Variants in SYNM observed in about 807,000 individuals in gnomAD.
SYNM encodes synemin, also known as desmuslin.
SYNM carries 95 observed loss-of-function variants against 104.0 expected under a neutral mutation model. The ratio of observed to expected loss-of-function variants is 0.91; its 90% CI spans 0.77 to 1.08. The LOEUF is 1.08. SYNM is among the 50% of genes least tolerant of loss of function. The pLI is 0.00. For synonymous variants in SYNM, 918 were observed against 869.0 expected, an observed-to-expected ratio of 1.06 and a Z score of -0.99; for missense variants, 2,150 against 2,052.2, an observed-to-expected ratio of 1.05 and a Z score of -0.92.
chr15:99,126,873 C>G (rs2067453116), intron 3 of SYNM, 81 bp downstream of exon 3: 9 of 1,237,440 alleles, frequency 7.3e-6, no homozygotes, highest in Non-Finnish European at 1.0e-5. Flanking sequence ...GCACCATCAT[C>G]GGGAAGAACG....
downstream of SYNM, chr15:99,137,812 A>G (rs949174590): frequency 1.2e-6 from 1 of 803,856 alleles, no homozygotes; most frequent in Admixed American, 3.0e-5. Flanking sequence ...TATAGCATAT[A>G]TCACCCTGAA....
chr15:99,115,390 G>A (rs2067337968), intron 2 of SYNM, among the ~76,000 whole-genome samples: 1 of 148,776 alleles, frequency 6.7e-6, no homozygotes, highest in Non-Finnish European at 1.5e-5. Flanking sequence ...GGCTGCCTGT[G>A]TAATCTTCTG....
chr15:99,105,378 G>A lies in SYNM; in HGVS notation c.179G>A (p.Cys60Tyr), dbSNP rs1026760724. 1 of 1,520,322 alleles carries A rather than the reference G, an allele frequency of 6.6e-7. No homozygotes were observed. Among genetic ancestry groups the A allele is most frequent in the South Asian group, 1.2e-5 (1 of 82,370 alleles). 94.2% of individuals were successfully genotyped at this position (1,520,322 alleles called of 1,614,324 possible). A position where few individuals can be genotyped will look rare whatever the true frequency, so the allele number is the denominator to read the frequency against. ...CTGTGGGCCGAGGGGCAGGCCCGCT[G>A]CGCCGAGGAGGCGCGCAGCTTGCGG... ...EGLWAEGQARCAEEARSLRQQ... is the reference protein window; with the variant it reads ...EGLWAEGQARYAEEARSLRQQ... Residue 60 changes from cysteine to tyrosine, a missense_variant, in exon 1 of 4, where the codon TGC becomes TAC. Coordinates refer to ENST00000336292, the MANE Select transcript of SYNM (RefSeq NM_145728.3).
chr15:99,125,727 T>C (rs1427009129), intron 2 of SYNM, among the ~76,000 whole-genome samples: 1 of 152,252 alleles, frequency 6.6e-6, no homozygotes, highest in Admixed American at 6.5e-5. Flanking sequence ...GGGCTCTTGT[T>C]CTGGATGCCT....
At position 99,133,554 on chromosome 15, in the gene SYNM, T is replaced by C. The variant is rs372221085; in HGVS notation, c.*496T>C. 111 of 159,058 alleles carry C rather than the reference T, an allele frequency of 7.0e-4. No individual in the cohort carries two copies. The highest frequency in any genetic ancestry group is 2.6e-3 in the African/African-American group (109 of 41,604). The allele number at this position is 159,058 out of a possible 1,614,324, so 9.9% of individuals were successfully genotyped here. A position where few individuals can be genotyped will look rare whatever the true frequency, so the allele number is the denominator to read the frequency against. ...AAAAAGAAATGGGAAATAGGCAGACTGTTTATGTTAAAAAAATTCTTGCTA... is the reference window on the plus strand; with the variant it reads ...AAAAAGAAATGGGAAATAGGCAGACCGTTTATGTTAAAAAAATTCTTGCTA... On this transcript the variant is annotated 3_prime_UTR_variant, in exon 4 of 4. Transcript: ENST00000336292.
In SYNM at chr15:99,131,495, A is replaced by G; in HGVS notation, c.3135A>G (p.Pro1045=). Residue 1045 remains proline (P), a synonymous_variant, in exon 4 of 4, where the codon CCA becomes CCG. Transcript: ENST00000336292. This position sits in a 1 kb window ranked among gnomAD's most constrained non-coding sequence, Gnocchi z 4.3. Reference sequence around the variant, plus strand: ...AGAGCCTGAGCAGGCAACGCAGCCCAGCGCCTGGCAGCCCAGATGAGGAAG... The same window carrying G: ...AGAGCCTGAGCAGGCAACGCAGCCCGGCGCCTGGCAGCCCAGATGAGGAAG... The part of the protein sequence containing the change: ...VRESLSRQRS[P]APGSPDEEGG... 1 of 1,606,410 alleles carries G rather than the reference A, an allele frequency of 6.2e-7. No individual in the cohort carries two copies. The highest frequency in any genetic ancestry group is 8.5e-7 in the Non-Finnish European group (1 of 1,179,492).
chr15:99,105,265 C>T lies in SYNM; in HGVS notation c.66C>T (p.Leu22=), dbSNP rs1555482333. ...KAELQELNAR[L]YDYVCRVREL... ...AGCTCCAGGAGCTCAACGCCCGGCT[C>T]TATGACTACGTGTGTCGGGTGCGGG... The change falls in exon 1 of 4, where the codon CTC becomes CTT. Residue 22 remains leucine, a synonymous_variant. Coordinates refer to ENST00000336292, the MANE Select transcript of SYNM (RefSeq NM_145728.3). 4 of 1,564,130 alleles carry T rather than the reference C, an allele frequency of 2.6e-6. No homozygotes were observed. Among genetic ancestry groups the T allele is most frequent in the African/African-American group, 1.4e-5 (1 of 73,878 alleles).
intron 2 of SYNM, among the ~76,000 whole-genome samples, chr15:99,115,508 A>G (rs1279491117): frequency 7.9e-6 from 1 of 126,070 alleles, no homozygotes; most frequent in Non-Finnish European, 1.6e-5. Flanking sequence ...TCCATCTCCT[A>G]GGCTGGCATG....
At position 99,113,655 on chromosome 15, in the gene SYNM, G is replaced by A. The variant is rs147849824; in HGVS notation, c.875G>A (p.Arg292Gln). The A allele has an allele frequency of 1.5e-4, 236 of 1,613,434 alleles. No homozygotes were observed. In the African/African-American group the frequency reaches 2.4e-3, roughly 16 times the overall value. Residue 292 changes from arginine to glutamine, a missense_variant, in exon 2 of 4, where the codon CGG becomes CAG. By Grantham distance (43) the Arg-to-Gln change is conservative (BLOSUM62 1). Coordinates refer to ENST00000336292, the MANE Select transcript of SYNM (RefSeq NM_145728.3). The stretch of plus-strand genomic sequence containing the variant: ...ACCTTGGCCATGGCTGACTGGCTGC[G>A]GGACTATCAGGACCTCCTGCAGGTG... ...TLTLAMADWL[R>Q]DYQDLLQVKT...
At chr15:99,111,708 T>C (rs1001260018) in intron 1 of SYNM, among the ~76,000 whole-genome samples, 2 of 152,160 alleles carry the variant, frequency 1.3e-5, no homozygotes, top group African/African-American at 4.8e-5. Context: ...AGAACTGTTA[T>C]GAGAAGTGGG....
At chr15:99,108,826 C>T (rs1022014292) in intron 1 of SYNM, among the ~76,000 whole-genome samples, 1 of 152,212 alleles carries the variant, frequency 6.6e-6, no homozygotes. Context: ...AGAGAGAAAC[C>T]TTTAACCAGT....
chr15:99,140,924 C>T, the SYNM span: 1 of 152,106 alleles, frequency 6.6e-6, no homozygotes, highest in South Asian at 2.1e-4. Context: ...ACCAAAACCT[C>T]TCAATAGAAT....
Position 99,130,795 on chromosome 15 carries a change from C to G in SYNM, c.2435C>G (p.Thr812Arg), listed in dbSNP as rs940468309. The change falls in exon 4 of 4, where the codon ACG (threonine) becomes AGG (arginine). Residue 812 changes from threonine (T) to arginine (R), a missense_variant. Coordinates refer to ENST00000336292, the MANE Select transcript of SYNM (RefSeq NM_145728.3). ...HRRTKQPQEN[T>R]THVEEVTEAG... The stretch of plus-strand genomic sequence containing the variant: ...AGGACCAAGCAGCCTCAGGAGAACA[C>G]GACTCACGTGGAAGAAGTGACAGAG... 204 of 1,613,814 alleles carry G rather than the reference C, an allele frequency of 1.3e-4. No individual in the cohort carries two copies. The highest frequency in any genetic ancestry group is 1.7e-4 in the Non-Finnish European group (197 of 1,179,888).
chr15:99,126,207 G>A (rs1567281020), intron 2 of SYNM, among the ~76,000 whole-genome samples: 2 of 152,144 alleles, frequency 1.3e-5, no homozygotes, highest in Admixed American at 1.3e-4. Context: ...TGAAACCACA[G>A]ATGCAGTCTG....
At position 99,132,757 on chromosome 15, in the gene SYNM, T is replaced by C. The variant is rs782049791; in HGVS notation, c.4397T>C (p.Val1466Ala). The C allele has an allele frequency of 1.9e-6, 3 of 1,613,584 alleles. No individual in the cohort carries two copies. In the East Asian group the frequency reaches 6.7e-5, roughly 36 times the overall value. The change falls in exon 4 of 4, where the codon GTG (valine) becomes GCG (alanine). Residue 1466 changes from valine to alanine, a missense_variant. Transcript: ENST00000336292. ...ACTTCGTTTACCTTTCAGATGGATGTGAGTAACGTAGAGGCGATCCGCAGC... is the reference window on the plus strand; with the variant it reads ...ACTTCGTTTACCTTTCAGATGGATGCGAGTAACGTAGAGGCGATCCGCAGC... ...KETSFTFQMDVSNVEAIRSRT... is the reference protein window; with the variant it reads ...KETSFTFQMDASNVEAIRSRT...
At chr15:99,116,404 A>ATGGCGGGATGGTCTCTCTCTTCTGG (rs1555483949) in intron 2 of SYNM, among the ~76,000 whole-genome samples, 8 of 146,278 alleles carry the variant, frequency 5.5e-5, no homozygotes, top group Admixed American at 6.9e-5. Flanking sequence ...AGACTGCCCC[A>ATGGCGGGATGGTCTCTCTCTTCTGG]AGTCAGAAAA....
intron 2 of SYNM, among the ~76,000 whole-genome samples, chr15:99,117,580 T>C (rs2067361214): frequency 6.6e-6 from 1 of 152,238 alleles, no homozygotes; most frequent in Non-Finnish European, 1.5e-5. Context: ...ATTTTCTTTC[T>C]GTAATAGTTC....
At position 99,129,518 on chromosome 15, in the gene SYNM, G is replaced by A. The variant is rs372221449; in HGVS notation, c.1158G>A (p.Thr386=). ...TGTCAGGGCACCGTGGATCTCAGAC[G>A]GGCACATCTATTGGAGGTGATGCCA... is the stretch of plus-strand genomic sequence containing the variant. ...SNLSGHRGSQ[T]GTSIGGDARR... Residue 386 remains threonine, a synonymous_variant, in exon 4 of 4, where the codon ACG becomes ACA. Coordinates refer to ENST00000336292, the MANE Select transcript of SYNM (RefSeq NM_145728.3). 1.9e-5 allele frequency: 31 copies of A among 1,613,828 alleles called. No individual in the cohort carries two copies. The highest frequency in any genetic ancestry group is 1.6e-4 in the Middle Eastern group (1 of 6,084).
chr15:99,131,676 A>G lies in SYNM; in HGVS notation c.3316A>G (p.Ser1106Gly), dbSNP rs781972156. ...QGPVSATVEVSSPTGFAQSQV... is the reference protein window; with the variant it reads ...QGPVSATVEVGSPTGFAQSQV... ...CCCAGTGTCGGCCACTGTGGAGGTCAGCAGCCCCACAGGCTTTGCCCAGTC... is the reference window on the plus strand; with the variant it reads ...CCCAGTGTCGGCCACTGTGGAGGTCGGCAGCCCCACAGGCTTTGCCCAGTC... The change falls in exon 4 of 4, where the codon AGC becomes GGC. Residue 1106 changes from serine to glycine, a missense_variant. Transcript: ENST00000336292. The surrounding 1 kb of genome is among the most constrained non-coding windows in gnomAD (Gnocchi z 4.3). 7.4e-6 allele frequency: 12 copies of G among 1,612,822 alleles called. No homozygotes were observed. Among genetic ancestry groups the G allele is most frequent in the Non-Finnish European group, 1.0e-5 (12 of 1,179,718 alleles).
Sources: allele counts gnomAD v4.1 joint callset (sites outside exome capture counted in the v4.1 genomes callset), GRCh38; gene constraint gnomAD v4.1.1; non-coding constraint Gnocchi (gnomAD v3.1); transcripts MANE v1.5; gene names NCBI Gene and HGNC (gene_info 2026-07-23, HGNC 2026-07-21).